Variants in ARHGEF12 observed in about 807,000 individuals in gnomAD.
The protein encoded by ARHGEF12 is KMT2A/ARHGEF12 fusion protein.
Under a neutral mutation model 211.2 loss-of-function variants are expected in ARHGEF12, and 66 were observed. That is an observed-to-expected ratio of 0.31 (90% CI 0.26 to 0.38). The LOEUF (loss-of-function observed/expected upper bound fraction) is 0.38, where lower values mean the gene tolerates loss of function less well. Among genes scored for constraint, ARHGEF12 ranks in the 10% least tolerant of loss-of-function variants. The pLI, the probability that ARHGEF12 is intolerant of heterozygous loss-of-function variation, is 1.00. For missense variants in ARHGEF12, 1,429 were observed against 1,869.5 expected (o/e 0.76, Z 4.34); for synonymous variants, 592 against 638.4 (o/e 0.93, Z 1.09).
chr11:120,474,472 A>C, intron 31 of ARHGEF12, 88 bp from the exon 32 acceptor site: 2 of 822,928 alleles, frequency 2.4e-6, no homozygotes, highest in Non-Finnish European at 3.7e-6. Context: ...TATATTAAGA[A>C]TTTCTTTAAA....
At chr11:120,441,894 A>G in intron 14 of ARHGEF12, 77 bp downstream of exon 14, 1 of 1,287,352 alleles carries the variant, frequency 7.8e-7, no homozygotes, top group Non-Finnish European at 1.1e-6. Context: ...CTAGCTATAC[A>G]ACGAGTGGGC....
At chr11:120,393,649 A>G (rs1043832474) in intron 1 of ARHGEF12, among the ~76,000 whole-genome samples, 4 of 152,238 alleles carry the variant, frequency 2.6e-5, no homozygotes, top group Admixed American at 2.6e-4. Flanking sequence ...ACACCTAATG[A>G]CAAAACATCA....
At chr11:120,371,128 A>G (rs969276774) in intron 1 of ARHGEF12, among the ~76,000 whole-genome samples, 1 of 152,200 alleles carries the variant, frequency 6.6e-6, no homozygotes, top group Non-Finnish European at 1.5e-5. Flanking sequence ...TCAGTGCTAA[A>G]AAGAGTTCTT....
chr11:120,368,012 C>A (rs11217841), intron 1 of ARHGEF12, among the ~76,000 whole-genome samples: 63,633 of 151,868 alleles, frequency 0.42, 13,577 homozygotes, highest in African/African-American at 0.48. Flanking sequence ...AAAATAAGAC[C>A]GAAAGATTTC....
intron 23 of ARHGEF12, 143 bp from the exon 24 acceptor site, chr11:120,457,578 T>C (rs1287778625): frequency 5.2e-6 from 3 of 580,334 alleles, no homozygotes. Context: ...TTTTCTTCAA[T>C]TTATTTTATA....
chr11:120,474,672 G>T, intron 32 of ARHGEF12, 37 bp downstream of exon 32: 1 of 1,532,710 alleles, frequency 6.5e-7, no homozygotes, highest in South Asian at 1.2e-5. Context: ...TGGGGAGAGT[G>T]GCAAAAGGGA....
chr11:120,483,261 T>TTTC (rs1947304228), intron 39 of ARHGEF12, among the ~76,000 whole-genome samples: 1 of 140,902 alleles, frequency 7.1e-6, no homozygotes, highest in Non-Finnish European at 1.5e-5. Flanking sequence ...TAATAATCTT[T>TTTC]TTTTTTTTTT....
At chr11:120,449,328 G>A (rs971393252) in intron 21 of ARHGEF12, 114 bp downstream of exon 21, 11 of 805,060 alleles carry the variant, frequency 1.4e-5, no homozygotes, top group Non-Finnish European at 2.2e-5. Flanking sequence ...TGATTTTACT[G>A]AATTCCCAAT....
At chr11:120,450,343 C>G (rs1565491110) in intron 21 of ARHGEF12, 1 of 143,230 alleles carries the variant, frequency 7.0e-6, no homozygotes, top group Non-Finnish European at 1.5e-5. Context: ...TAAACTCCAG[C>G]CTGGGTGACA....
At chr11:120,423,479 G>A (rs1256929278) in intron 6 of ARHGEF12, among the ~76,000 whole-genome samples, 1 of 151,944 alleles carries the variant, frequency 6.6e-6, no homozygotes, top group Non-Finnish European at 1.5e-5. Flanking sequence ...TTACATAACT[G>A]TGCATAAACT....
At chr11:120,397,864 T>A (rs1011410765) in intron 1 of ARHGEF12, among the ~76,000 whole-genome samples, 2 of 152,216 alleles carry the variant, frequency 1.3e-5, no homozygotes, top group African/African-American at 4.8e-5. Flanking sequence ...CTTTAATTTT[T>A]ATGAAAATAA....
chr11:120,459,355 A>G lies in ARHGEF12; in HGVS notation c.2527+35A>G, dbSNP rs375239603. 3.8e-6 allele frequency: 6 copies of G among 1,594,256 alleles called. No individual in the cohort carries two copies. The African/African-American group carries it at 8.1e-5, about 22-fold the overall frequency. ...ATTAGCTCTGATCTTTGCCCCTAACATTTCCAATAGAGAAAAGATTGTGAG... is the reference window on the plus strand; with the variant it reads ...ATTAGCTCTGATCTTTGCCCCTAACGTTTCCAATAGAGAAAAGATTGTGAG... On this transcript the variant is annotated intron_variant, in intron 26 of 40. Transcript: ENST00000397843.
chr11:120,390,930 G>A (rs1376126883), intron 1 of ARHGEF12, among the ~76,000 whole-genome samples: 1 of 152,128 alleles, frequency 6.6e-6, no homozygotes, highest in African/African-American at 2.4e-5. Context: ...AAAATTAAAT[G>A]AATTAATGCA....
intron 1 of ARHGEF12, among the ~76,000 whole-genome samples, chr11:120,375,078 A>G (rs1184773821): frequency 6.6e-6 from 1 of 152,244 alleles, no homozygotes; most frequent in Non-Finnish European, 1.5e-5. Context: ...AAGAGAGAAG[A>G]CTTAATTTAA....
At chr11:120,442,482 A>G (rs1565484942) in intron 15 of ARHGEF12, among the ~76,000 whole-genome samples, 2 of 150,922 alleles carry the variant, frequency 1.3e-5, no homozygotes, top group South Asian at 4.2e-4. Context: ...ACACACACAC[A>G]TATTTGTGTT....
At chr11:120,342,454 C>T (rs139919669) in intron 1 of ARHGEF12, among the ~76,000 whole-genome samples, 3 of 152,246 alleles carry the variant, frequency 2.0e-5, no homozygotes, top group Admixed American at 2.0e-4. Context: ...TTGTATGATT[C>T]TAAATGTTTC....
In ARHGEF12 at chr11:120,423,439, G is replaced by A. The variant is rs556661027; in HGVS notation, c.349-919G>A. 1.3e-4 allele frequency among the ~76,000 whole-genome samples: 20 copies of A among 152,220 alleles called. No homozygotes were observed. In the East Asian group the frequency reaches 3.3e-3, roughly 25 times the overall value. ...GAAATAAGTGTACAAATGTGAAGTC[G>A]TGTGTACAGGGAAATTTGTACTGGC... On this transcript the variant is annotated intron_variant, in intron 6 of 40. Coordinates refer to ENST00000397843, the MANE Select transcript of ARHGEF12 (RefSeq NM_015313.3).
Position 120,428,261 on chromosome 11 carries a change from A to G in ARHGEF12, c.585+14A>G. The G allele has an allele frequency of 6.5e-7, 1 of 1,549,216 alleles. No homozygotes were observed. Among genetic ancestry groups the G allele is most frequent in the Non-Finnish European group, 8.7e-7 (1 of 1,146,318 alleles). ...GTGCTCATGGGGGTAAGAATGGGGAAATTTCTTAGTTAAATGCTCAGTCTT... is the reference window on the plus strand; with the variant it reads ...GTGCTCATGGGGGTAAGAATGGGGAGATTTCTTAGTTAAATGCTCAGTCTT... On this transcript the variant is annotated intron_variant, in intron 8 of 40. Transcript: ENST00000397843.
intron 1 of ARHGEF12, among the ~76,000 whole-genome samples, chr11:120,345,470 G>A (rs940330516): frequency 1.3e-5 from 2 of 152,148 alleles, no homozygotes; most frequent in African/African-American, 4.8e-5. Flanking sequence ...TTGGGAGACC[G>A]AGGTGGGCGG....
Sources: gnomAD v4.1 joint callset for allele counts (sites outside exome capture counted in the v4.1 genomes callset) on GRCh38, gnomAD v4.1.1 for gene constraint, MANE v1.5 for transcripts, NCBI Gene and HGNC (gene_info 2026-07-23, HGNC 2026-07-21) for gene names.